Variants in TMEM71 observed in about 807,000 individuals in gnomAD.
TMEM71 encodes the protein transmembrane protein 71.
In TMEM71, 44 loss-of-function variants were observed where a neutral mutation model predicts 38.0. The ratio of observed to expected loss-of-function variants is 1.16; its 90% CI spans 0.91 to 1.49. The LOEUF is 1.49. Ranked by LOEUF, TMEM71 falls within the 40% of genes most tolerant of loss-of-function variation. The pLI, the probability that TMEM71 is intolerant of heterozygous loss-of-function variation, is 0.00. For synonymous variants in TMEM71, 133 were observed against 122.5 expected (o/e 1.09, Z -0.56); for missense variants, 367 against 348.6 (o/e 1.05, Z -0.42).
the TMEM71 span, among the ~76,000 whole-genome samples, chr8:132,767,390 T>C: frequency 6.6e-6 from 1 of 152,090 alleles, no homozygotes; most frequent in African/African-American, 2.4e-5. Context: ...TAAGAACATA[T>C]CAACAACTTT....
At chr8:132,761,473 C>A (rs963753526), upstream of TMEM71, among the ~76,000 whole-genome samples, 1 of 152,246 alleles carries the variant, frequency 6.6e-6, no homozygotes, top group African/African-American at 2.4e-5. Context: ...AAGTTCTCTT[C>A]TGAGGCACCA....
rs114059838 is a variant in TMEM71 at position 132,713,024 on chromosome 8, C to T, written c.872+971G>A. ...CATCAGCACACCCAGCTAATTTTGT[C>T]TATTTTTCGTAGGTCTCACTATGTT... On this transcript the variant is annotated intron_variant, in intron 9 of 9. Transcript: ENST00000677595. Among the ~76,000 whole-genome samples the T allele has an allele frequency of 6.9e-3, 1,046 of 151,660 alleles. 16 individuals are homozygous for T. Among genetic ancestry groups the T allele is most frequent in the African/African-American group, 0.025 (1,010 of 41,134 alleles).
chr8:132,739,418 T>C (rs1041765237), intron 5 of TMEM71, among the ~76,000 whole-genome samples: 2 of 152,188 alleles, frequency 1.3e-5, no homozygotes, highest in Non-Finnish European at 2.9e-5. Context: ...TTCACGCCAT[T>C]CTCCTGCCTC....
chr8:132,761,743 T>C (rs923804554), upstream of TMEM71, among the ~76,000 whole-genome samples: 2 of 152,236 alleles, frequency 1.3e-5, no homozygotes, highest in Non-Finnish European at 2.9e-5. Flanking sequence ...ACTACCATGA[T>C]GAGGCTTCCA....
At chr8:132,752,772 A>G (rs1828786385) in intron 3 of TMEM71, among the ~76,000 whole-genome samples, 1 of 148,072 alleles carries the variant, frequency 6.8e-6, no homozygotes, top group Middle Eastern at 3.2e-3. Context: ...GAGAGAGAGA[A>G]AAAAAAAAGG....
chr8:132,747,191 T>C (rs1828439169), intron 4 of TMEM71, 77 bp from the exon 5 acceptor site: 3 of 1,272,400 alleles, frequency 2.4e-6, no homozygotes, highest in Non-Finnish European at 3.2e-6. Context: ...AAGCGCAGAG[T>C]ACATTTCTAC....
intron 3 of TMEM71, among the ~76,000 whole-genome samples, chr8:132,756,058 T>A (rs1828985529): frequency 6.6e-6 from 1 of 152,044 alleles, no homozygotes; most frequent in South Asian, 2.1e-4. Flanking sequence ...AAGGAGCAGG[T>A]CCTAAAATGA....
intron 5 of TMEM71, among the ~76,000 whole-genome samples, chr8:132,739,789 G>C (rs1338014139): frequency 6.6e-6 from 1 of 152,162 alleles, no homozygotes; most frequent in African/African-American, 2.4e-5. Flanking sequence ...AAAATGTGAA[G>C]TGCTCAGCAT....
At chr8:132,766,949 G>C in the TMEM71 span, among the ~76,000 whole-genome samples, 1 of 152,112 alleles carries the variant, frequency 6.6e-6, no homozygotes, top group Non-Finnish European at 1.5e-5. Context: ...AAACATCTTA[G>C]CCTGTATGTT....
At chr8:132,760,307 G>A (rs542613208) in intron 1 of TMEM71, 169 bp downstream of exon 1, 9 of 152,310 alleles carry the variant, frequency 5.9e-5, no homozygotes, top group African/African-American at 1.9e-4. Context: ...CCTTCCAAAG[G>A]GAGTTCCCAG....
chr8:132,745,445 T>C (rs1305948836), intron 5 of TMEM71, among the ~76,000 whole-genome samples: 2 of 152,016 alleles, frequency 1.3e-5, no homozygotes, highest in Non-Finnish European at 2.9e-5. Context: ...TCACTAATCA[T>C]AGAAATGCAA....
chr8:132,713,526 C>G (rs994391047), intron 9 of TMEM71, among the ~76,000 whole-genome samples: 9 of 152,066 alleles, frequency 5.9e-5, no homozygotes, highest in African/African-American at 2.2e-4. Context: ...TATGGGCATC[C>G]CAACCAGACC....
At chr8:132,775,431 A>G in the TMEM71 span, 6 of 385,904 alleles carry the variant, frequency 1.6e-5, no homozygotes, top group Non-Finnish European at 2.3e-5. Context: ...CGGCGATGGC[A>G]GCGGACCCTG....
intron 6 of TMEM71, among the ~76,000 whole-genome samples, chr8:132,724,872 T>A (rs987954739): frequency 4.6e-5 from 7 of 152,170 alleles, no homozygotes; most frequent in African/African-American, 1.7e-4. Context: ...TTTGTTCATG[T>A]GAAACATGCC....
At chr8:132,760,965 A>G (rs1249559329), upstream of TMEM71, among the ~76,000 whole-genome samples, 1 of 152,236 alleles carries the variant, frequency 6.6e-6, no homozygotes, top group African/African-American at 2.4e-5. Flanking sequence ...ATTGAGGATA[A>G]TGCACTGATG....
intron 5 of TMEM71, among the ~76,000 whole-genome samples, chr8:132,731,073 C>A (rs1357500155): frequency 6.6e-6 from 1 of 152,150 alleles, no homozygotes; most frequent in Non-Finnish European, 1.5e-5. Context: ...ATACTAGTAA[C>A]AGGGCACTTT....
At chr8:132,711,009 T>C (rs967111046) in intron 9 of TMEM71, 27 bp from the exon 10 acceptor site, 2 of 1,605,024 alleles carry the variant, frequency 1.2e-6, no homozygotes, top group Non-Finnish European at 1.7e-6. Flanking sequence ...AGAAAAGAAA[T>C]GCATAATTCA....
At chr8:132,716,773 CCTCT>C (rs906219643) in intron 7 of TMEM71, among the ~76,000 whole-genome samples, 1 of 151,616 alleles carries the variant, frequency 6.6e-6, no homozygotes, top group African/African-American at 2.4e-5. Context: ...TATAAATTAT[CCTCT>C]CTCTCTCTGT....
chr8:132,708,795 A>G (rs1826131614), downstream of TMEM71, among the ~76,000 whole-genome samples: 1 of 152,222 alleles, frequency 6.6e-6, no homozygotes, highest in African/African-American at 2.4e-5. Context: ...GAAGGAGGCA[A>G]GATGTCTAAA....
Sources: allele counts gnomAD v4.1 joint callset (sites outside exome capture counted in the v4.1 genomes callset), GRCh38; gene constraint gnomAD v4.1.1; transcripts MANE v1.5; gene names NCBI Gene and HGNC (gene_info 2026-07-23, HGNC 2026-07-21).